Variants in PASD1 observed in about 807,000 individuals in gnomAD.
PASD1 encodes the protein PAS domain containing repressor 1, also known as circadian clock protein PASD1.
Under a neutral mutation model 58.8 loss-of-function variants are expected in PASD1, and 13 were observed. The ratio of observed to expected loss-of-function variants is 0.22; its 90% CI spans 0.14 to 0.35. PASD1 has a LOEUF of 0.35. Among genes scored for constraint, PASD1 ranks in the 10% least tolerant of loss-of-function variants. The pLI, the probability that PASD1 is intolerant of heterozygous loss-of-function variation, is 1.00. For synonymous variants in PASD1, 236 were observed against 216.7 expected (o/e 1.09, Z -0.78); for missense variants, 734 against 568.3 (o/e 1.29, Z -2.96).
intron 2 of PASD1, 116 bp downstream of exon 2, chrX:151,601,697 A>ACCACATTTCTC: frequency 4.0e-6 from 3 of 748,921 alleles, no homozygotes; most frequent in Non-Finnish European, 6.0e-6. Flanking sequence ...ACTCAGAGAA[A>ACCACATTTCTC]TGTGGTTTCT....
chrX:151,570,498 G>T (rs1013890769), intron 1 of PASD1, among the ~76,000 whole-genome samples: 22 of 112,331 alleles, frequency 2.0e-4, no homozygotes, highest in Admixed American at 1.6e-3. Flanking sequence ...AAGAAGCCTG[G>T]CTCGTTCCCA....
At chrX:151,647,720 A>G (rs2014077974) in intron 8 of PASD1, among the ~76,000 whole-genome samples, 1 of 110,716 alleles carries the variant, frequency 9.0e-6, no homozygotes, top group Admixed American at 9.6e-5. Context: ...TTAGTGTTAG[A>G]AATAAATGAT....
intron 1 of PASD1, among the ~76,000 whole-genome samples, chrX:151,577,161 C>T (rs924513765): frequency 1.4e-4 from 16 of 111,557 alleles, no homozygotes; most frequent in Admixed American, 4.8e-4. Context: ...ATAGTGAGAC[C>T]TCGTCTTGAA....
intron 2 of PASD1, among the ~76,000 whole-genome samples, chrX:151,603,712 A>G (rs1004986238): frequency 1.8e-5 from 2 of 110,964 alleles, no homozygotes; most frequent in South Asian, 3.9e-4. Context: ...ACCCAGTTAC[A>G]CACCCTATTT....
chrX:151,598,473 CT>C (rs2013351353), intron 1 of PASD1, among the ~76,000 whole-genome samples: 1 of 111,022 alleles, frequency 9.0e-6, no homozygotes, highest in African/African-American at 3.3e-5. Flanking sequence ...TTAAAATTAT[CT>C]CCTTACTGCT....
chrX:151,610,140 T>C (rs958448190), intron 3 of PASD1, among the ~76,000 whole-genome samples: 22 of 111,404 alleles, frequency 2.0e-4, no homozygotes, highest in African/African-American at 7.2e-4. Context: ...GAGTATTTCC[T>C]CTTCTCTGTT....
chrX:151,675,864 C>T (rs1196288323), intron 15 of PASD1, 133 bp from the exon 16 acceptor site: 6 of 697,861 alleles, frequency 8.6e-6, no homozygotes, highest in African/African-American at 4.3e-5. Context: ...CTCCCATCAC[C>T]TTGCAGGCTC....
At position 151,625,511 on chromosome X, in the gene PASD1, C is replaced by T. The variant is rs150321315; in HGVS notation, c.610C>T (p.Pro204Ser). The T allele has an allele frequency of 1.9e-5, 23 of 1,202,539 alleles. No homozygotes were observed. The highest frequency in any genetic ancestry group is 2.5e-5 in the Non-Finnish European group (22 of 889,461). ...ACTTACACAAGATTCAGATGAGGAA[C>T]CTTTTGTGGGAGAGCTCAGGTGAGA... ...AVLTQDSDEE[P>S]FVGELSSSQG... Residue 204 changes from proline (P) to serine (S), a missense_variant, in exon 8 of 16, where the codon CCT (proline) becomes TCT (serine). By Grantham distance (74) the Pro-to-Ser change is moderately conservative. Coordinates refer to ENST00000370357, the MANE Select transcript of PASD1 (RefSeq NM_173493.3).
In PASD1 at chrX:151,600,010, C is replaced by T. The variant is rs182118250; in HGVS notation, c.-27-1517C>T. 3.1e-3 allele frequency among the ~76,000 whole-genome samples: 343 copies of T among 112,426 alleles called. 1 individual carries two copies. Among genetic ancestry groups the T allele is most frequent in the African/African-American group, 0.011 (327 of 30,976 alleles). ...GAGTGAGCGAGACTCTGTTTGCAAT[C>T]CCGGCACCTCGGGACGCCGAGGCTG... On this transcript the variant is annotated intron_variant, in intron 1 of 15. Coordinates refer to ENST00000370357, the MANE Select transcript of PASD1 (RefSeq NM_173493.3).
intron 4 of PASD1, among the ~76,000 whole-genome samples, chrX:151,613,045 G>A (rs767827757): frequency 5.3e-4 from 59 of 111,881 alleles, no homozygotes; most frequent in African/African-American, 1.5e-3. Context: ...TGGCTAGCCC[G>A]TTTTCCCAGC....
chrX:151,674,173 C>G lies in PASD1; in HGVS notation c.2162C>G (p.Pro721Arg). 1.7e-6 allele frequency: 2 copies of G among 1,211,872 alleles called. No homozygotes were observed. The highest frequency in any genetic ancestry group is 2.2e-6 in the Non-Finnish European group (2 of 895,525). The change falls in exon 15 of 16, where the codon CCC becomes CGC. Residue 721 changes from proline (P) to arginine (R), a missense_variant. Physicochemically the swap from Pro to Arg is moderately radical, Grantham distance 103 (BLOSUM62 -2). Transcript: ENST00000370357. ...GAGCAGGGCACCCTGCACGGCCAACCCACCTACCATCAGGTATGGGACAGC... is the reference window on the plus strand; with the variant it reads ...GAGCAGGGCACCCTGCACGGCCAACGCACCTACCATCAGGTATGGGACAGC... ...CDEQGTLHGQ[P>R]TYHQVQVSEV...
At chrX:151,622,358 G>A (rs1312017069) in intron 6 of PASD1, among the ~76,000 whole-genome samples, 2 of 110,163 alleles carry the variant, frequency 1.8e-5, no homozygotes, top group Non-Finnish European at 3.8e-5. Context: ...TCACTAATAA[G>A]CAAAGAATGA....
chrX:151,664,256 A>C lies in PASD1; in HGVS notation c.979A>C (p.Asn327His). ...EGPMDQQDPE[N>H]PVAPLDQAGL... Reference sequence around the variant, plus strand: ...CCCAATGGACCAGCAGGACCCAGAGAACCCAGTTGCCCCGTTGGACCAGGC... The same window carrying C: ...CCCAATGGACCAGCAGGACCCAGAGCACCCAGTTGCCCCGTTGGACCAGGC... The change falls in exon 11 of 16, where the codon AAC (asparagine) becomes CAC (histidine). Residue 327 changes from asparagine (N) to histidine (H), a missense_variant. Transcript: ENST00000370357. 8.3e-7 allele frequency: 1 copy of C among 1,211,159 alleles called. No individual in the cohort carries two copies.
At chrX:151,596,658 A>G (rs750138890) in intron 1 of PASD1, among the ~76,000 whole-genome samples, 1 of 112,630 alleles carries the variant, frequency 8.9e-6, no homozygotes, top group South Asian at 3.7e-4. Context: ...TTAATCTTGT[A>G]CACAGCAACC....
intron 4 of PASD1, among the ~76,000 whole-genome samples, chrX:151,618,667 C>T (rs1449742413): frequency 8.9e-6 from 1 of 111,775 alleles, no homozygotes; most frequent in Non-Finnish European, 1.9e-5. Flanking sequence ...GGAGTTGGTG[C>T]TATGTAAAAT....
At chrX:151,580,959 A>G (rs1283798322) in intron 1 of PASD1, among the ~76,000 whole-genome samples, 1 of 111,243 alleles carries the variant, frequency 9.0e-6, no homozygotes, top group Non-Finnish European at 1.9e-5. Context: ...TTATTGAACC[A>G]TATGAGAAGT....
chrX:151,592,425 A>G (rs1042270114), intron 1 of PASD1, among the ~76,000 whole-genome samples: 1 of 112,189 alleles, frequency 8.9e-6, no homozygotes, highest in Non-Finnish European at 1.9e-5. Context: ...GAAGGAACCT[A>G]TAAATGTTAT....
Position 151,568,882 on chromosome X carries a change from C to A in PASD1, c.-28+5043C>A, listed in dbSNP as rs111674575. 8.2e-3 allele frequency among the ~76,000 whole-genome samples: 914 copies of A among 111,320 alleles called. 10 individuals carry two copies. Among genetic ancestry groups the A allele is most frequent in the African/African-American group, 0.028 (868 of 30,548 alleles). On this transcript the variant is annotated intron_variant, in intron 1 of 15. Transcript: ENST00000370357. Reference sequence around the variant, plus strand: ...CTTCTCCATCCGTGTGGTATCTGATCCTCCTGAGAGTGGCCATATGCGGTA... The same window carrying A: ...CTTCTCCATCCGTGTGGTATCTGATACTCCTGAGAGTGGCCATATGCGGTA...
intron 1 of PASD1, among the ~76,000 whole-genome samples, chrX:151,577,728 G>A (rs2013030145): frequency 9.0e-6 from 1 of 111,080 alleles, no homozygotes; most frequent in Admixed American, 9.6e-5. Context: ...GGGTTTCACC[G>A]TGTTAGCCAG....
Sources: gnomAD v4.1 joint callset for allele counts (sites outside exome capture counted in the v4.1 genomes callset) on GRCh38, gnomAD v4.1.1 for gene constraint, MANE v1.5 for transcripts, NCBI Gene and HGNC (gene_info 2026-07-23, HGNC 2026-07-21) for gene names.